RIMBP2: variants seen among roughly 807,000 people sequenced by gnomAD.
RIMBP2 encodes RIMS binding protein 2, also known as RIMS-binding protein 2.
A neutral mutation model predicts 118.6 loss-of-function variants in RIMBP2; 48 were observed. The ratio of observed to expected loss-of-function variants is 0.40; its 90% CI spans 0.32 to 0.51. The LOEUF (loss-of-function observed/expected upper bound fraction) is 0.51. Among genes scored for constraint, RIMBP2 ranks in the 20% least tolerant of loss-of-function variants. The pLI is 0.41. For missense variants in RIMBP2, 1,551 were observed against 1,768.3 expected (o/e 0.88, Z 2.20); for synonymous variants, 762 against 742.9 (o/e 1.03, Z -0.42).
chr12:130,509,726 G>GCCCCCCCCCCCC (rs376491702), intron 3 of RIMBP2, among the ~76,000 whole-genome samples: 1 of 148,034 alleles, frequency 6.8e-6, no homozygotes, highest in African/African-American at 2.6e-5. Flanking sequence ...CATGCCCTCT[G>GCCCCCCCCCCCC]CCCCCCCGCC....
chr12:130,411,667 C>A (rs2075726175), intron 19 of RIMBP2, among the ~76,000 whole-genome samples: 1 of 152,152 alleles, frequency 6.6e-6, no homozygotes, highest in African/African-American at 2.4e-5. Flanking sequence ...GAGTCTTAGT[C>A]AACTTCGGGA....
chr12:130,411,941 C>T (rs1248139960), intron 19 of RIMBP2, among the ~76,000 whole-genome samples: 1 of 151,432 alleles, frequency 6.6e-6, no homozygotes, highest in Non-Finnish European at 1.5e-5. Flanking sequence ...AAGTATTAAA[C>T]CTTAAATATG....
chr12:130,584,537 A>T, intron 2 of RIMBP2, among the ~76,000 whole-genome samples: 1 of 150,666 alleles, frequency 6.6e-6, no homozygotes, highest in Non-Finnish European at 1.5e-5. Context: ...CATCACCACC[A>T]TCACCACCAT....
intron 2 of RIMBP2, among the ~76,000 whole-genome samples, chr12:130,559,377 G>T (rs4759724): frequency 1.3e-5 from 2 of 151,720 alleles, no homozygotes; most frequent in Non-Finnish European, 2.9e-5. Context: ...CCGTGAGTTC[G>T]ACTTTTTTGG....
intron 5 of RIMBP2, among the ~76,000 whole-genome samples, chr12:130,476,194 G>C (rs1228642651): frequency 2.6e-5 from 4 of 152,202 alleles, no homozygotes; most frequent in African/African-American, 9.7e-5. Context: ...AACGAGGACA[G>C]AGAACTACCC....
chr12:130,549,210 C>A (rs2055487382), intron 2 of RIMBP2, among the ~76,000 whole-genome samples: 1 of 152,140 alleles, frequency 6.6e-6, no homozygotes, highest in Non-Finnish European at 1.5e-5. Context: ...GAACCAAGAG[C>A]ATCCTCAAAT....
chr12:130,535,704 C>T (rs71468438), intron 2 of RIMBP2, among the ~76,000 whole-genome samples: 1 of 141,358 alleles, frequency 7.1e-6, no homozygotes, highest in African/African-American at 2.6e-5. Flanking sequence ...CATATATATA[C>T]ACATATACAT....
At chr12:130,577,561 T>C (rs2058171583) in intron 2 of RIMBP2, among the ~76,000 whole-genome samples, 1 of 152,064 alleles carries the variant, frequency 6.6e-6, no homozygotes, top group African/African-American at 2.4e-5. Flanking sequence ...ACTCCCTCAC[T>C]ATCGCGAGAA....
chr12:130,451,060 G>T, intron 8 of RIMBP2, 135 bp downstream of exon 8: 1 of 1,047,046 alleles, frequency 9.6e-7, no homozygotes, highest in Non-Finnish European at 1.4e-6. Context: ...GAATTAACAG[G>T]GGCAAAGGGA....
chr12:130,477,188 A>G (rs1170165749), intron 5 of RIMBP2, among the ~76,000 whole-genome samples: 3 of 152,234 alleles, frequency 2.0e-5, no homozygotes, highest in African/African-American at 7.2e-5. Flanking sequence ...AGAGAACTGG[A>G]CAGCACACAG....
chr12:130,596,767 A>G (rs1280027878), intron 2 of RIMBP2, among the ~76,000 whole-genome samples: 1 of 152,000 alleles, frequency 6.6e-6, no homozygotes, highest in Non-Finnish European at 1.5e-5. Flanking sequence ...CCATCCAATC[A>G]CTCTGCTCTC....
rs1486320481 is a variant in RIMBP2 at position 130,622,782 on chromosome 12, AG to A, written c.-217+5539del. Among the ~76,000 whole-genome samples the A allele has an allele frequency of 1.3e-5, 2 of 152,212 alleles. No individual in the cohort carries two copies. The highest frequency in any genetic ancestry group is 2.9e-5 in the Non-Finnish European group (2 of 68,040). On this transcript the variant is annotated intron_variant, in intron 2 of 22. Coordinates refer to ENST00000690449, the MANE Select transcript of RIMBP2 (RefSeq NM_001393629.1). The surrounding 1 kb of genome is among the most constrained non-coding windows in gnomAD (Gnocchi z 8.5). ...GGCAGATTTAGGCAATGCCTCCACT[AG>A]GCTGATAGTCGCAAAATTCTCCACA...
chr12:130,565,142 T>C (rs1316765679), intron 2 of RIMBP2, among the ~76,000 whole-genome samples: 1 of 152,218 alleles, frequency 6.6e-6, no homozygotes, highest in African/African-American at 2.4e-5. Flanking sequence ...TTTATTTTTT[T>C]GAGAACTCTG....
chr12:130,645,193 AAG>A (rs746276355), intron 1 of RIMBP2, among the ~76,000 whole-genome samples: 6 of 151,736 alleles, frequency 4.0e-5, no homozygotes, highest in Non-Finnish European at 8.8e-5. Flanking sequence ...TCCCAGGTTC[AAG>A]AGAGTCTCCC....
At chr12:130,704,622 G>A (rs1217830532) in intron 1 of RIMBP2, among the ~76,000 whole-genome samples, 1 of 152,112 alleles carries the variant, frequency 6.6e-6, no homozygotes, top group African/African-American at 2.4e-5. Context: ...CTAAAGGGAA[G>A]TTTTTAAATC....
chr12:130,438,271 G>A, intron 12 of RIMBP2, 94 bp downstream of exon 12: 1 of 1,435,152 alleles, frequency 7.0e-7, no homozygotes, highest in South Asian at 1.3e-5. Flanking sequence ...GGCTGGAAGA[G>A]CAGACCCTGC....
intron 3 of RIMBP2, among the ~76,000 whole-genome samples, chr12:130,508,404 G>A (rs1201999002): frequency 6.6e-6 from 1 of 151,744 alleles, no homozygotes; most frequent in Non-Finnish European, 1.5e-5. Flanking sequence ...ACTATGCTGG[G>A]GACACCCTGG....
intron 2 of RIMBP2, among the ~76,000 whole-genome samples, chr12:130,626,049 A>G (rs1327988968): frequency 2.0e-5 from 3 of 152,196 alleles, no homozygotes; most frequent in Non-Finnish European, 4.4e-5. Flanking sequence ...AATGAAAATG[A>G]AAGGGTTTTG....
chr12:130,438,683 G>A (rs1173087172), intron 11 of RIMBP2, among the ~76,000 whole-genome samples, 167 bp from the exon 12 acceptor site: 1 of 152,188 alleles, frequency 6.6e-6, no homozygotes, highest in Non-Finnish European at 1.5e-5. Flanking sequence ...TGAGGTGGGA[G>A]GGTGGGGCCG....
Sources: gnomAD v4.1 joint callset for allele counts (sites outside exome capture counted in the v4.1 genomes callset) on GRCh38, gnomAD v4.1.1 for gene constraint, Gnocchi (gnomAD v3.1) non-coding constraint, MANE v1.5 for transcripts, NCBI Gene and HGNC (gene_info 2026-07-23, HGNC 2026-07-21) for gene names.